Variants in SBF2 observed in about 807,000 individuals in gnomAD.
The protein encoded by SBF2 is myotubularin-related protein 13.
A neutral mutation model predicts 225.2 loss-of-function variants in SBF2; 112 were observed. The observed-to-expected ratio is 0.50, with a 90% CI of 0.43 to 0.58. The LOEUF (loss-of-function observed/expected upper bound fraction) is 0.58. Among genes scored for constraint, SBF2 ranks in the 20% least tolerant of loss-of-function variants. The probability of loss-of-function intolerance (pLI) is 0.00; values close to 1 mark genes in which losing one functional copy is unlikely to be tolerated. For synonymous variants in SBF2, 763 were observed against 773.3 expected, an observed-to-expected ratio of 0.99 and a Z score of 0.22; for missense variants, 1,996 against 2,206.2, an observed-to-expected ratio of 0.90 and a Z score of 1.91.
chr11:10,000,480 G>T (rs543867694), intron 8 of SBF2, among the ~76,000 whole-genome samples: 1 of 151,974 alleles, frequency 6.6e-6, no homozygotes, highest in Non-Finnish European at 1.5e-5. Flanking sequence ...CAAAAATTTC[G>T]TGGAAGCTCA....
intron 1 of SBF2, among the ~76,000 whole-genome samples, chr11:10,287,916 T>C (rs1963905325): frequency 6.6e-6 from 1 of 152,222 alleles, no homozygotes. Flanking sequence ...AGTCTGGCCA[T>C]TGCCCAGTCA....
chr11:9,807,356 A>G (rs1418036514), intron 32 of SBF2, among the ~76,000 whole-genome samples: 1 of 152,222 alleles, frequency 6.6e-6, no homozygotes, highest in East Asian at 1.9e-4. Flanking sequence ...TTGAATGGAT[A>G]TACCTGGGCT....
At chr11:10,173,591 C>T (rs984549978) in intron 2 of SBF2, among the ~76,000 whole-genome samples, 6 of 152,138 alleles carry the variant, frequency 3.9e-5, no homozygotes, top group African/African-American at 1.4e-4. Context: ...GGGAGGGGCG[C>T]CCACCATTGC....
chr11:9,821,581 T>G (rs1049443064), intron 28 of SBF2, among the ~76,000 whole-genome samples: 1 of 152,230 alleles, frequency 6.6e-6, no homozygotes, highest in African/African-American at 2.4e-5. Flanking sequence ...GATTTCTAGA[T>G]GTCCTGGGCA....
Position 9,891,260 on chromosome 11 carries a change from C to A in SBF2, c.1929+4683G>T, listed in dbSNP as rs138016777. Among the ~76,000 whole-genome samples the A allele has an allele frequency of 3.9e-5, 6 of 152,266 alleles. No homozygotes were observed. The East Asian group carries it at 1.2e-3, about 29-fold the overall frequency. On this transcript the variant is annotated intron_variant, in intron 17 of 39. Coordinates refer to ENST00000256190, the MANE Select transcript of SBF2 (RefSeq NM_030962.4). ...CTACTGTGGTTCTATTTCTGCTCTA[C>A]TGGGTTTTACTTTATTATTTTCCTT...
chr11:10,258,081 T>TACACACACACACACAC (rs57653852), intron 1 of SBF2, among the ~76,000 whole-genome samples: 9 of 138,940 alleles, frequency 6.5e-5, no homozygotes, highest in African/African-American at 1.1e-4. Flanking sequence ...TACACACACA[T>TACACACACACACACAC]ACACACACAC....
intron 1 of SBF2, among the ~76,000 whole-genome samples, chr11:10,259,059 T>C (rs1961175427): frequency 6.6e-6 from 1 of 152,216 alleles, no homozygotes; most frequent in African/African-American, 2.4e-5. Context: ...GAGATCTTTA[T>C]TGTACCCTTA....
At chr11:10,037,958 T>C (rs995747081) in intron 3 of SBF2, among the ~76,000 whole-genome samples, 1 of 152,062 alleles carries the variant, frequency 6.6e-6, no homozygotes, top group African/African-American at 2.4e-5. Context: ...TATGTTTAAA[T>C]TTTTTTCTTT....
chr11:10,216,256 GATT>G (rs1241808934), intron 1 of SBF2, among the ~76,000 whole-genome samples: 1 of 152,172 alleles, frequency 6.6e-6, no homozygotes, highest in African/African-American at 2.4e-5. Flanking sequence ...AAGGCTGAGA[GATT>G]ATTTCATTCT....
intron 17 of SBF2, among the ~76,000 whole-genome samples, chr11:9,888,904 G>C (rs1202623247): frequency 6.6e-6 from 1 of 152,158 alleles, no homozygotes; most frequent in Admixed American, 6.5e-5. Flanking sequence ...CACTGGGTTA[G>C]ATTAGGTACT....
intron 2 of SBF2, among the ~76,000 whole-genome samples, chr11:10,151,731 A>T (rs1208877569): frequency 6.6e-6 from 1 of 152,192 alleles, no homozygotes; most frequent in South Asian, 2.1e-4. Flanking sequence ...AAAATTATGG[A>T]CTGGGGGACT....
intron 2 of SBF2, among the ~76,000 whole-genome samples, chr11:10,192,308 G>T (rs978318932): frequency 6.6e-6 from 1 of 152,106 alleles, no homozygotes; most frequent in Non-Finnish European, 1.5e-5. Flanking sequence ...TAGGCCTACA[G>T]AACCCTCAGC....
At chr11:9,880,052 C>G (rs1859615388) in intron 17 of SBF2, among the ~76,000 whole-genome samples, 1 of 133,670 alleles carries the variant, frequency 7.5e-6, no homozygotes, top group African/African-American at 2.9e-5. Context: ...CCACTGCACT[C>G]CAGCCTGGAC....
At chr11:9,994,074 T>C in intron 9 of SBF2, 76 bp from the exon 10 acceptor site, 1 of 1,015,588 alleles carries the variant, frequency 9.8e-7, no homozygotes. Flanking sequence ...AAGATGAAAA[T>C]GTCAGCATAT....
chr11:10,053,319 G>A (rs1035176099), intron 2 of SBF2, among the ~76,000 whole-genome samples: 7 of 152,038 alleles, frequency 4.6e-5, no homozygotes, highest in African/African-American at 1.7e-4. Context: ...TGGTTTTCTA[G>A]AGCATGCACA....
At chr11:9,827,733 G>A (rs1427212949) in intron 28 of SBF2, among the ~76,000 whole-genome samples, 2 of 152,170 alleles carry the variant, frequency 1.3e-5, no homozygotes, top group African/African-American at 4.8e-5. Flanking sequence ...GAGGACAGGA[G>A]CAAAAATAAC....
chr11:10,026,676 C>T (rs535461086), intron 6 of SBF2, among the ~76,000 whole-genome samples: 1 of 152,164 alleles, frequency 6.6e-6, no homozygotes, highest in African/African-American at 2.4e-5. Flanking sequence ...GTGTTGGGGG[C>T]TGTAGTAAGC....
intron 1 of SBF2, among the ~76,000 whole-genome samples, chr11:10,234,698 T>C (rs1281750226): frequency 1.3e-5 from 2 of 152,226 alleles, no homozygotes; most frequent in Non-Finnish European, 2.9e-5. Flanking sequence ...TTAAATTCTC[T>C]ACTTCAAAAT....
intron 2 of SBF2, among the ~76,000 whole-genome samples, chr11:10,077,485 C>T (rs1951166323): frequency 6.6e-6 from 1 of 152,098 alleles, no homozygotes; most frequent in Non-Finnish European, 1.5e-5. Context: ...AAACACCACA[C>T]ATCTACAACC....
Sources: gnomAD v4.1 joint callset for allele counts (sites outside exome capture counted in the v4.1 genomes callset) on GRCh38, gnomAD v4.1.1 for gene constraint, MANE v1.5 for transcripts, NCBI Gene and HGNC (gene_info 2026-07-23, HGNC 2026-07-21) for gene names.